Variants in CTU2 observed in about 807,000 individuals in gnomAD.
CTU2 encodes the protein cytoplasmic tRNA 2-thiolation protein 2.
Under a neutral mutation model 64.1 loss-of-function variants are expected in CTU2, and 80 were observed. The observed-to-expected ratio is 1.25, with a 90% CI of 1.04 to 1.50. CTU2 has a LOEUF of 1.50. Ranked by LOEUF, CTU2 falls within the 40% of genes most tolerant of loss-of-function variation. The pLI is 0.00. For missense variants in CTU2, 1,110 were observed against 690.2 expected (o/e 1.61, Z -6.81); for synonymous variants, 482 against 285.3 (o/e 1.69, Z -6.95).
chr16:88,712,696 G>T lies in CTU2; in HGVS notation c.528G>T (p.Ala176=). The T allele has an allele frequency of 6.2e-7, 1 of 1,610,438 alleles. No individual in the cohort carries two copies. Among genetic ancestry groups the T allele is most frequent in the Non-Finnish European group, 8.5e-7 (1 of 1,179,426 alleles). The change falls in exon 7 of 15, where the codon GCG becomes GCT. Residue 176 remains alanine (A), a synonymous_variant. Coordinates refer to ENST00000453996, the MANE Select transcript of CTU2 (RefSeq NM_001012759.3). ...ELVGSEGAYK[A]AVDSFLQQQH... is the part of the protein sequence containing the mutation. ...TGGGATCCGAGGGGGCCTACAAGGC[G>T]GCCGTGGACAGCTTCCTCCAGCAGC...
rs375095089 is a variant in CTU2 at position 88,711,419 on chromosome 16, C to T, written c.283-216C>T. ...TGTTTTACCAGGGGGATGAAGACCC[C>T]CAGGCTACCCTTTAAAATAAGTCGG... On this transcript the variant is annotated intron_variant, in intron 4 of 14. Transcript: ENST00000453996. Among the ~76,000 whole-genome samples, 43 of 152,318 alleles carry T rather than the reference C, an allele frequency of 2.8e-4. No individual in the cohort carries two copies. The Middle Eastern group carries it at 0.01, about 36-fold the overall frequency.
rs746699858 is a variant in CTU2, at chr16:88,709,952, C to T, written c.158C>T (p.Ala53Val). Reference protein sequence around the residue: ...GDAFCRDCFKAFYVHKFRAML... With the variant: ...GDAFCRDCFKVFYVHKFRAML... ...CTGTGTTGCAGGGACTGTTTCAAGG[C>T]CTTCTACGTCCACAAGTTCAGAGCC... The change falls in exon 3 of 15, where the codon GCC becomes GTC. Residue 53 changes from alanine (A) to valine (V), a missense_variant. Ala to Val is a moderately conservative substitution (Grantham distance 64). Coordinates refer to ENST00000453996, the MANE Select transcript of CTU2 (RefSeq NM_001012759.3). 6 of 1,613,964 alleles carry T rather than the reference C, an allele frequency of 3.7e-6. No individual in the cohort carries two copies. Among genetic ancestry groups the T allele is most frequent in the East Asian group, 4.5e-5 (2 of 44,890 alleles).
At position 88,714,448 on chromosome 16, in the gene CTU2, GCCT is replaced by G; in HGVS notation, c.1168_1170del (p.Leu390del). 1 of 1,612,566 alleles carries G rather than the reference GCCT, an allele frequency of 6.2e-7. No homozygotes were observed. The highest frequency in any genetic ancestry group is 2.2e-5 in the East Asian group (1 of 44,878). On this transcript the variant is annotated inframe_deletion, in exon 11 of 15. Coordinates refer to ENST00000453996, the MANE Select transcript of CTU2 (RefSeq NM_001012759.3). ...GCTGCTGGCGACTCCGGCCCCCGCT[GCCT>G]CCTCTGCATGTGTGCCCTGGACGTC...
chr16:88,711,522 A>C, intron 4 of CTU2, 113 bp from the exon 5 acceptor site: 7 of 1,092,454 alleles, frequency 6.4e-6, no homozygotes, highest in Non-Finnish European at 7.8e-6. Context: ...TGGCAGGGGA[A>C]GACCACTTCA....
rs201767837 is a variant in CTU2 at position 88,714,614 on chromosome 16, C to G, written c.1229C>G (p.Thr410Ser). ...AGTGCCACGGCTTTTGGGGCTCAGA[C>G]CTCCTCGCGTCTCTCCCAGATGCAG... The part of the protein sequence containing the change: ...ADSATAFGAQ[T>S]SSRLSQMQSP... The change falls in exon 12 of 15, where the codon ACC (threonine) becomes AGC (serine). Residue 410 changes from threonine (T) to serine (S), a missense_variant. Coordinates refer to ENST00000453996, the MANE Select transcript of CTU2 (RefSeq NM_001012759.3). 2 of 1,612,616 alleles carry G rather than the reference C, an allele frequency of 1.2e-6. No homozygotes were observed. The highest frequency in any genetic ancestry group is 1.1e-5 in the South Asian group (1 of 91,088).
intron 1 of CTU2, chr16:88,706,861 C>G (rs889989238): frequency 6.6e-5 from 37 of 558,248 alleles, no homozygotes; most frequent in East Asian, 5.9e-4. Context: ...GAACTGGTGC[C>G]GTGAAGCTGT....
Position 88,712,395 on chromosome 16 carries a change from G to C in CTU2, c.453+12G>C, listed in dbSNP as rs375508646. On this transcript the variant is annotated intron_variant, in intron 6 of 14. Transcript: ENST00000453996. ...TGGCCTTAGAGGAGGTGGGAGGGCT[G>C]TCCCTGGAAAGGGGTCCCGGAGGTG... 2 of 1,588,160 alleles carry C rather than the reference G, an allele frequency of 1.3e-6. No homozygotes were observed. The highest frequency in any genetic ancestry group is 1.7e-6 in the Non-Finnish European group (2 of 1,164,586).
In CTU2 at chr16:88,709,609, G is replaced by T. The variant is rs545829363; in HGVS notation, c.144-329G>T. 8.0e-5 allele frequency: 29 copies of T among 364,634 alleles called. No individual in the cohort carries two copies. The South Asian group carries it at 9.1e-4, about 12-fold the overall frequency. 22.6% of individuals were successfully genotyped at this position (364,634 alleles called of 1,614,324 possible). On this transcript the variant is annotated intron_variant, in intron 2 of 14. Coordinates refer to ENST00000453996, the MANE Select transcript of CTU2 (RefSeq NM_001012759.3). ...TTGGCCTTGCCCTGTACGTGCCTAA[G>T]TCTGTCCACTCCACCAGCTGGGCCC...
Position 88,715,390 on chromosome 16 carries a change from T to C in CTU2, c.*139T>C, listed in dbSNP as rs1911911623. 3.8e-6 allele frequency: 4 copies of C among 1,048,236 alleles called. No individual in the cohort carries two copies. The highest frequency in any genetic ancestry group is 4.1e-6 in the Non-Finnish European group (3 of 738,196). The allele number at this position is 1,048,236 out of a possible 1,614,324, so 64.9% of individuals were successfully genotyped here. A position where few individuals can be genotyped will look rare whatever the true frequency, so the allele number is the denominator to read the frequency against. On this transcript the variant is annotated 3_prime_UTR_variant, in exon 15 of 15. Transcript: ENST00000453996. Reference sequence around the variant, plus strand: ...CATTTTTTAATTAAAAAAAAAACTCTACAGTACACGTGGGGGACGGCAGCG... The same window carrying C: ...CATTTTTTAATTAAAAAAAAAACTCCACAGTACACGTGGGGGACGGCAGCG...
At position 88,709,971 on chromosome 16, in the gene CTU2, C is replaced by T. The variant is rs1458848796; in HGVS notation, c.177C>T (p.Phe59=). The T allele has an allele frequency of 2.5e-6, 4 of 1,613,978 alleles. No homozygotes were observed. The highest frequency in any genetic ancestry group is 2.2e-5 in the East Asian group (1 of 44,892). Residue 59 remains phenylalanine (F), a synonymous_variant, in exon 3 of 15, where the codon TTC becomes TTT. Coordinates refer to ENST00000453996, the MANE Select transcript of CTU2 (RefSeq NM_001012759.3). ...TCAAGGCCTTCTACGTCCACAAGTT[C>T]AGAGCCATGCTGGGCAAGAACCGGC... ...DCFKAFYVHK[F]RAMLGKNRLI...
At chr16:88,708,950 C>G (rs571414750) in intron 2 of CTU2, 31 of 152,282 alleles carry the variant, frequency 2.0e-4, no homozygotes, top group African/African-American at 7.2e-4. Flanking sequence ...ACGTAGTGAG[C>G]CAGAGTCAGA....
Position 88,715,321 on chromosome 16 carries a change from A to T in CTU2, c.*70A>T. The T allele has an allele frequency of 1.3e-6, 2 of 1,501,136 alleles. No individual in the cohort carries two copies. Among genetic ancestry groups the T allele is most frequent in the Non-Finnish European group, 1.8e-6 (2 of 1,101,034 alleles). 93.0% of individuals were successfully genotyped at this position (1,501,136 alleles called of 1,614,324 possible). ...TACACCACACTGGAGCCGGAAGGCA[A>T]GGACGGGGGACTGGCCTCTGATTGT... On this transcript the variant is annotated 3_prime_UTR_variant, in exon 15 of 15. Coordinates refer to ENST00000453996, the MANE Select transcript of CTU2 (RefSeq NM_001012759.3).
intron 13 of CTU2, 55 bp downstream of exon 13, chr16:88,714,981 A>G: frequency 6.3e-7 from 1 of 1,599,482 alleles, no homozygotes; most frequent in Non-Finnish European, 8.5e-7. Context: ...GAAGGCCGTC[A>G]CCTCGTGGGT....
chr16:88,715,265 C>T lies in CTU2; in HGVS notation c.*14C>T. ...GGCCAGAGCTGAGCGTGAGGACGTG[C>T]TTGCCGGGACAGCAGGCAGTGGCCA... On this transcript the variant is annotated 3_prime_UTR_variant, in exon 15 of 15. Transcript: ENST00000453996. The T allele has an allele frequency of 1.2e-6, 2 of 1,609,526 alleles. No homozygotes were observed. Among genetic ancestry groups the T allele is most frequent in the Non-Finnish European group, 1.7e-6 (2 of 1,179,414 alleles).
At chr16:88,710,190 G>A (rs1410348223) in intron 3 of CTU2, 33 bp from the exon 4 acceptor site, 15 of 1,613,316 alleles carry the variant, frequency 9.3e-6, no homozygotes, top group African/African-American at 1.3e-5. Flanking sequence ...TGTTGGAGGT[G>A]CGGTGCCCTG....
chr16:88,712,334 C>A lies in CTU2; in HGVS notation c.404C>A (p.Pro135His), dbSNP rs144903142. The A allele has an allele frequency of 1.2e-5, 19 of 1,610,752 alleles. No individual in the cohort carries two copies. The highest frequency in any genetic ancestry group is 1.6e-5 in the Non-Finnish European group (19 of 1,178,636). ...ERSKTLAEVK[P>H]ILQATGFPWH... ...TCAAAGACCCTGGCCGAAGTGAAGC[C>A]CATTCTGCAAGCAACTGGGTTCCCA... The change falls in exon 6 of 15, where the codon CCC becomes CAC. Residue 135 changes from proline to histidine, a missense_variant. By Grantham distance (77) the Pro-to-His change is moderately conservative. Transcript: ENST00000453996.
At chr16:88,710,533 GCGCGTGTGTGCGGCC>G (rs1196211344) in intron 4 of CTU2, 73 of 532,200 alleles carry the variant, frequency 1.4e-4, no homozygotes, top group African/African-American at 1.3e-3. Flanking sequence ...TGGGTCCACA[GCGCGTGTGTGCGGCC>G]CACTCTCAGA....
At chr16:88,706,885 G>A in intron 1 of CTU2, 2 of 558,948 alleles carry the variant, frequency 3.6e-6, no homozygotes, top group South Asian at 2.4e-5. Flanking sequence ...GCCTCCCCGT[G>A]TCAGCCTTGG....
intron 13 of CTU2, 52 bp from the exon 14 acceptor site, chr16:88,714,983 CTCGTGGGTGGCTT>C (rs1911820518): frequency 9.4e-6 from 15 of 1,601,520 alleles, no homozygotes; most frequent in African/African-American, 1.3e-5. Flanking sequence ...AGGCCGTCAC[CTCGTGGGTGGCTT>C]GAGGGGGTGC....
Sources: gnomAD v4.1 joint callset for allele counts (sites outside exome capture counted in the v4.1 genomes callset) on GRCh38, gnomAD v4.1.1 for gene constraint, MANE v1.5 for transcripts, NCBI Gene and HGNC (gene_info 2026-07-23, HGNC 2026-07-21) for gene names.